Variants in OTOG observed in about 807,000 individuals in gnomAD.
OTOG encodes the protein otogelin.
Under a neutral mutation model 313.8 loss-of-function variants are expected in OTOG, and 296 were observed. That is an observed-to-expected ratio of 0.94 (90% CI 0.86 to 1.04). The LOEUF is 1.04. OTOG is among the 50% of genes least tolerant of loss of function. The probability of loss-of-function intolerance (pLI) is 0.00; values close to 1 mark genes in which losing one functional copy is unlikely to be tolerated. For missense variants in OTOG, 3,948 were observed against 3,840.1 expected, an observed-to-expected ratio of 1.03 and a Z score of -0.74; for synonymous variants, 1,533 against 1,554.9, an observed-to-expected ratio of 0.99 and a Z score of 0.33.
intron 19 of OTOG, 90 bp from the exon 20 acceptor site, chr11:17,574,630 C>A: frequency 7.9e-7 from 1 of 1,270,938 alleles, no homozygotes; most frequent in Non-Finnish European, 1.1e-6. Flanking sequence ...TTCTCTGGAT[C>A]TCCATTCTCC....
rs890147287 is a variant in OTOG, at chr11:17,643,544, C to T, written c.8461+38C>T. 2.2e-6 allele frequency: 3 copies of T among 1,333,666 alleles called. No homozygotes were observed. In the African/African-American group the frequency reaches 4.6e-5, roughly 20 times the overall value. 82.6% of individuals were successfully genotyped at this position (1,333,666 alleles called of 1,614,324 possible). A position where few individuals can be genotyped will look rare whatever the true frequency, so the allele number is the denominator to read the frequency against. On this transcript the variant is annotated intron_variant, in intron 54 of 55. Transcript: ENST00000399397. ...GGTGGGGGCCCAGGGGTGGGGGGCT[C>T]TGATGGGGGCACAGGGTGTCATGTC...
intron 35 of OTOG, 95 bp from the exon 36 acceptor site, chr11:17,609,560 G>T (rs1012614344): frequency 3.5e-6 from 4 of 1,134,618 alleles, no homozygotes; most frequent in Non-Finnish European, 4.9e-6. Flanking sequence ...CACCGAGAGT[G>T]CCAGTCCTCA....
intron 15 of OTOG, among the ~76,000 whole-genome samples, chr11:17,564,277 T>C (rs1852254091): frequency 6.6e-6 from 1 of 152,168 alleles, no homozygotes; most frequent in African/African-American, 2.4e-5. Flanking sequence ...ACAGCTTCCA[T>C]ACAGCTACAA....
intron 22 of OTOG, chr11:17,578,172 G>A: frequency 3.2e-6 from 4 of 1,239,178 alleles, no homozygotes; most frequent in South Asian, 2.5e-5. Flanking sequence ...GGTGGCCGCA[G>A]TCTTATTGTG....
intron 6 of OTOG, 75 bp downstream of exon 6, chr11:17,553,594 T>C (rs1851993797): frequency 1.6e-6 from 2 of 1,267,542 alleles, no homozygotes; most frequent in Non-Finnish European, 1.0e-6. Context: ...TGGGCTCTAC[T>C]TGTCATAGTT....
intron 28 of OTOG, among the ~76,000 whole-genome samples, chr11:17,594,724 G>C (rs576755383): frequency 8.5e-4 from 130 of 152,332 alleles, no homozygotes; most frequent in Non-Finnish European, 1.7e-3. Context: ...GTGAGCTGTG[G>C]GGGAAACAGC....
At position 17,547,503 on chromosome 11, in the gene OTOG, G is replaced by A. The variant is rs111425080; in HGVS notation, c.94+37G>A. 3,193 of 1,326,700 alleles carry A rather than the reference G, an allele frequency of 2.4e-3. 75 individuals carry two copies. In the African/African-American group the frequency reaches 0.044, roughly 18 times the overall value. The allele number at this position is 1,326,700 out of a possible 1,614,324, so 82.2% of individuals were successfully genotyped here. A position where few individuals can be genotyped will look rare whatever the true frequency, so the allele number is the denominator to read the frequency against. On this transcript the variant is annotated intron_variant, in intron 1 of 55. Transcript: ENST00000399397. ...GTGGACTCAGGGAGGTCGGGGGCTC[G>A]AGGAATGAGAAACGTTAAAGGAATG...
At position 17,631,746 on chromosome 11, in the gene OTOG, G is replaced by C; in HGVS notation, c.6757G>C (p.Gly2253Arg). The change falls in exon 41 of 56, where the codon GGC becomes CGC. Residue 2253 changes from glycine to arginine, a missense_variant. By Grantham distance (125) the Gly-to-Arg change is moderately radical. Transcript: ENST00000399397. ...AGCCAATGACCTTACCCTGAAGGATGGCTCAGTGGTGGGTGGGGCTGAGGA... is the reference window on the plus strand; with the variant it reads ...AGCCAATGACCTTACCCTGAAGGATCGCTCAGTGGTGGGTGGGGCTGAGGA... ...DAANDLTLKD[G>R]SVVGGAEDPA... 1 of 1,550,628 alleles carries C rather than the reference G, an allele frequency of 6.4e-7. No individual in the cohort carries two copies. Among genetic ancestry groups the C allele is most frequent in the Non-Finnish European group, 8.7e-7 (1 of 1,147,002 alleles).
rs1365471173 is a variant in OTOG at position 17,591,642 on chromosome 11, C to T, written c.3006+54C>T. On this transcript the variant is annotated intron_variant, in intron 25 of 55. Coordinates refer to ENST00000399397, the MANE Select transcript of OTOG (RefSeq NM_001292063.2). ...GGCTCCATGCACAGCTGTCAGGGCA[C>T]TCTGGTGCTCTGGACTCCAGTTTGA... 2.6e-6 allele frequency: 4 copies of T among 1,538,682 alleles called. No homozygotes were observed. The African/African-American group carries it at 4.1e-5, about 16-fold the overall frequency.
At chr11:17,633,947 G>T (rs1854196568) in intron 43 of OTOG, 73 bp downstream of exon 43, 2 of 1,481,406 alleles carry the variant, frequency 1.4e-6, no homozygotes, top group African/African-American at 2.8e-5. Flanking sequence ...GTCCACAGCT[G>T]AGTCCCATCT....
At chr11:17,602,516 T>C in intron 32 of OTOG, 139 bp downstream of exon 32, 1 of 1,025,724 alleles carries the variant, frequency 9.7e-7, no homozygotes, top group Non-Finnish European at 1.4e-6. Flanking sequence ...CCAGTTGAGA[T>C]GGTGCTTCTG....
intron 10 of OTOG, 38 bp downstream of exon 10, chr11:17,558,682 G>T: frequency 6.5e-7 from 1 of 1,528,772 alleles, no homozygotes; most frequent in East Asian, 2.4e-5. Flanking sequence ...GAACCCTCTA[G>T]TATTGGGGTG....
At position 17,591,505 on chromosome 11, in the gene OTOG, A is replaced by C. The variant is rs1402855548; in HGVS notation, c.2923A>C (p.Thr975Pro). The change falls in exon 25 of 56, where the codon ACT becomes CCT. Residue 975 changes from threonine (T) to proline (P), a missense_variant. By Grantham distance (38) the Thr-to-Pro change is conservative. Coordinates refer to ENST00000399397, the MANE Select transcript of OTOG (RefSeq NM_001292063.2). ...CCTGCACCCTTGCGCCTCCACCTGC[A>C]CTGCCTATGGGGACCGGCATTACCG... Reference protein sequence around the residue: ...CTLHPCASTCTAYGDRHYRTF... With the variant: ...CTLHPCASTCPAYGDRHYRTF... 2 of 1,550,586 alleles carry C rather than the reference A, an allele frequency of 1.3e-6. No individual in the cohort carries two copies. Among genetic ancestry groups the C allele is most frequent in the Admixed American group, 2.0e-5 (1 of 50,990 alleles).
chr11:17,640,783 C>A lies in OTOG; in HGVS notation c.7974C>A (p.Ser2658Arg), dbSNP rs1309055078. 1.9e-6 allele frequency: 3 copies of A among 1,550,156 alleles called. No individual in the cohort carries two copies. In the East Asian group the frequency reaches 7.3e-5, roughly 38 times the overall value. ...KSQLDEEFMHSVENVCGCAKY... is the reference protein window; with the variant it reads ...KSQLDEEFMHRVENVCGCAKY... ...AGCTGGATGAGGAGTTCATGCACAG[C>A]GTGGAGAATGTGTGTGGCTGCGCCA... is the stretch of plus-strand genomic sequence containing the variant. The change falls in exon 50 of 56, where the codon AGC (serine) becomes AGA (arginine). Residue 2658 changes from serine to arginine, a missense_variant. By Grantham distance (110) the Ser-to-Arg change is moderately radical. Transcript: ENST00000399397.
intron 6 of OTOG, among the ~76,000 whole-genome samples, chr11:17,554,681 G>A (rs1852015900): frequency 6.6e-6 from 1 of 152,236 alleles, no homozygotes; most frequent in Non-Finnish European, 1.5e-5. Context: ...GCCATGCCCT[G>A]GATGGGCGGG....
rs1854136695 is a variant in OTOG, at chr11:17,631,893, A to C, written c.6904A>C (p.Asn2302His). The C allele has an allele frequency of 3.2e-6, 5 of 1,550,212 alleles. No homozygotes were observed. Among genetic ancestry groups the C allele is most frequent in the Non-Finnish European group, 4.4e-6 (5 of 1,147,012 alleles). ...CTCGCCCTGCCTTCGCATGGTGTCC[A>C]ACCGCACCTTCAGTGCCTGCCACCG... ...DCSPCLRMVSNRTFSACHRFV... is the reference protein window; with the variant it reads ...DCSPCLRMVSHRTFSACHRFV... Residue 2302 changes from asparagine (N) to histidine (H), a missense_variant, in exon 41 of 56, where the codon AAC (asparagine) becomes CAC (histidine). Physicochemically the swap from Asn to His is moderately conservative, Grantham distance 68 (BLOSUM62 1). Coordinates refer to ENST00000399397, the MANE Select transcript of OTOG (RefSeq NM_001292063.2).
intron 34 of OTOG, among the ~76,000 whole-genome samples, chr11:17,608,662 C>A (rs531736790): frequency 7.6e-4 from 115 of 152,308 alleles, no homozygotes; most frequent in Non-Finnish European, 1.4e-3. Flanking sequence ...TCGTTGTACA[C>A]AGCTGCATGT....
chr11:17,643,498 G>A lies in OTOG; in HGVS notation c.8453G>A (p.Cys2818Tyr). The stretch of plus-strand genomic sequence containing the variant: ...GTGGTACCTTCCTTGGAAGGATGCT[G>A]CAGGACCTGTGAGTGAGCATGGTGG... ...GSVVPSLEGC[C>Y]RTCKEDGRSC... The change falls in exon 54 of 56, where the codon TGC (cysteine) becomes TAC (tyrosine). Residue 2818 changes from cysteine to tyrosine, a missense_variant. Transcript: ENST00000399397. The A allele has an allele frequency of 4.8e-6, 7 of 1,457,464 alleles. No individual in the cohort carries two copies. Among genetic ancestry groups the A allele is most frequent in the Non-Finnish European group, 6.4e-6 (7 of 1,099,142 alleles). The allele number at this position is 1,457,464 out of a possible 1,614,324, so 90.3% of individuals were successfully genotyped here.
At chr11:17,556,412 A>G (rs1466111307) in intron 7 of OTOG, among the ~76,000 whole-genome samples, 2 of 152,128 alleles carry the variant, frequency 1.3e-5, no homozygotes, top group Non-Finnish European at 2.9e-5. Flanking sequence ...TCTTTCCTGC[A>G]TCTCTTCCTC....
Sources: gnomAD v4.1 joint callset for allele counts (sites outside exome capture counted in the v4.1 genomes callset) on GRCh38, gnomAD v4.1.1 for gene constraint, MANE v1.5 for transcripts, NCBI Gene and HGNC (gene_info 2026-07-23, HGNC 2026-07-21) for gene names.